KIF15: variants seen among roughly 807,000 people sequenced by gnomAD.
KIF15 encodes kinesin family member 15, also known as kinesin-like protein KIF15.
KIF15 carries 140 observed loss-of-function variants against 190.6 expected under a neutral mutation model. The ratio of observed to expected loss-of-function variants is 0.73; its 90% confidence interval spans 0.64 to 0.84. The LOEUF (loss-of-function observed/expected upper bound fraction) is 0.84, where lower values mean the gene tolerates loss of function less well. Among genes scored for constraint, KIF15 ranks in the 40% least tolerant of loss-of-function variants. KIF15 has a pLI of 0.00. For missense variants in KIF15, 1,372 were observed against 1,584.4 expected (o/e 0.87, Z 2.28); for synonymous variants, 528 against 551.3 (o/e 0.96, Z 0.59).
At chr3:44,773,136 T>TTA (rs1553643331) in intron 1 of KIF15, among the ~76,000 whole-genome samples, 1 of 142,726 alleles carries the variant, frequency 7.0e-6, no homozygotes, top group East Asian at 2.0e-4. Context: ...TAAAACATCT[T>TTA]AAAAAAAAAA....
At chr3:44,855,537 G>A (rs1198244403), downstream of KIF15, among the ~76,000 whole-genome samples, 1 of 152,114 alleles carries the variant, frequency 6.6e-6, no homozygotes, top group Non-Finnish European at 1.5e-5. Flanking sequence ...ATGAAGTGTT[G>A]GAGTGGCGAA....
intron 6 of KIF15, chr3:44,864,287 T>C: frequency 6.2e-7 from 1 of 1,614,230 alleles, no homozygotes; most frequent in East Asian, 2.2e-5. Flanking sequence ...CCTCAGTTTC[T>C]CCATGTCTTC....
chr3:44,848,202 A>G, intron 31 of KIF15, 145 bp downstream of exon 31: 1 of 631,340 alleles, frequency 1.6e-6, no homozygotes. Flanking sequence ...GATATTTACC[A>G]TTAGTATTTA....
chr3:44,814,812 C>G, intron 19 of KIF15, 99 bp from the exon 20 acceptor site: 1 of 893,410 alleles, frequency 1.1e-6, no homozygotes, highest in Non-Finnish European at 1.6e-6. Flanking sequence ...TTAAAATAGT[C>G]TCTTCGACTT....
rs758098161 is a variant in KIF15, at chr3:44,784,797, C to T, written c.362-48C>T. The T allele has an allele frequency of 5.0e-6, 5 of 1,003,098 alleles. No homozygotes were observed. The African/African-American group carries it at 8.4e-5, about 17-fold the overall frequency. The allele number at this position is 1,003,098 out of a possible 1,614,324, so 62.1% of individuals were successfully genotyped here. ...CTGTGTAAATTGCCATTTTGAAAGACTCTTGGAATAGAATAAAAATCCAGT... is the reference window on the plus strand; with the variant it reads ...CTGTGTAAATTGCCATTTTGAAAGATTCTTGGAATAGAATAAAAATCCAGT... On this transcript the variant is annotated intron_variant, in intron 5 of 34. Transcript: ENST00000326047.
intron 5 of KIF15, among the ~76,000 whole-genome samples, chr3:44,782,853 G>C (rs1706230309): frequency 6.6e-6 from 1 of 152,242 alleles, no homozygotes; most frequent in African/African-American, 2.4e-5. Flanking sequence ...GACCCACTGA[G>C]AGTGGAGTTT....
At chr3:44,775,195 C>T in intron 2 of KIF15, 59 bp from the exon 3 acceptor site, 1 of 1,361,008 alleles carries the variant, frequency 7.3e-7, no homozygotes, top group Non-Finnish European at 1.0e-6. Flanking sequence ...AGACTTGGAT[C>T]CTTTTTCAGT....
rs756124662 is a variant in KIF15, at chr3:44,797,961, A to G, written c.1098+5A>G. 1.9e-6 allele frequency: 3 copies of G among 1,608,064 alleles called. No individual in the cohort carries two copies. Among genetic ancestry groups the G allele is most frequent in the Non-Finnish European group, 2.5e-6 (3 of 1,178,154 alleles). ...GCCAAGCTGATTAAAAACAAGGTAA[A>G]ATACTGGCGTATACTTCATTAAATA... On this transcript the variant is annotated splice_donor_5th_base_variant and intron_variant, in intron 10 of 34. Coordinates refer to ENST00000326047, the MANE Select transcript of KIF15 (RefSeq NM_020242.3).
rs141549250 is a variant in KIF15, at chr3:44,852,437, C to A, written c.4104+98C>A. On this transcript the variant is annotated intron_variant, in intron 34 of 34. Coordinates refer to ENST00000326047, the MANE Select transcript of KIF15 (RefSeq NM_020242.3). ...ACTTAATTATTGAATCAGTTAACTG[C>A]TTACTTCAGGGAGCTTCCTGAATTA... The A allele has an allele frequency of 4.0e-5, 48 of 1,191,674 alleles. No individual in the cohort carries two copies. The African/African-American group carries it at 6.4e-4, about 16-fold the overall frequency. 73.8% of individuals were successfully genotyped at this position (1,191,674 alleles called of 1,614,324 possible). A position where few individuals can be genotyped will look rare whatever the true frequency, so the allele number is the denominator to read the frequency against.
intron 4 of KIF15, among the ~76,000 whole-genome samples, 173 bp from the exon 5 acceptor site, chr3:44,780,712 A>G (rs1470736539): frequency 6.6e-6 from 1 of 152,232 alleles, no homozygotes; most frequent in Non-Finnish European, 1.5e-5. Flanking sequence ...AGCTCTTTGT[A>G]GGGAGATTGG....
At chr3:44,868,389 T>C (rs1259792393) in intron 6 of KIF15, among the ~76,000 whole-genome samples, 1 of 152,212 alleles carries the variant, frequency 6.6e-6, no homozygotes, top group Non-Finnish European at 1.5e-5. Context: ...TGTTTCCCTT[T>C]TCTATTCTAT....
Position 44,862,095 on chromosome 3 carries a change from C to A in KIF15, c.*59+9301C>A, listed in dbSNP as rs1179568835. ...TCGGGGCCCTGGCCGCCGCCTCCGC[C>A]AAGCTGGCCTTCGGCAGCGAGGTCG... On this transcript the variant is annotated intron_variant and NMD_transcript_variant, in intron 6 of 6. Coordinates refer to the KIF15 transcript ENST00000422209. The A allele has an allele frequency of 2.4e-6, 3 of 1,254,654 alleles. No individual in the cohort carries two copies. In the African/African-American group the frequency reaches 4.6e-5, roughly 19 times the overall value. 77.7% of individuals were successfully genotyped at this position (1,254,654 alleles called of 1,614,324 possible).
At chr3:44,775,146 G>A in intron 2 of KIF15, 108 bp from the exon 3 acceptor site, 1 of 858,442 alleles carries the variant, frequency 1.2e-6, no homozygotes, top group South Asian at 1.7e-5. Context: ...CTTGGGCTTT[G>A]TTGGAGAAAC....
At chr3:44,823,032 C>A (rs1697432563) in intron 20 of KIF15, among the ~76,000 whole-genome samples, 1 of 152,204 alleles carries the variant, frequency 6.6e-6, no homozygotes, top group African/African-American at 2.4e-5. Context: ...TTATTCTCGT[C>A]CAGCTTTGTT....
chr3:44,796,418 A>G (rs530988191), intron 8 of KIF15, among the ~76,000 whole-genome samples: 2 of 152,320 alleles, frequency 1.3e-5, no homozygotes, highest in East Asian at 3.9e-4. Context: ...TGCTTTACAT[A>G]TATTAATTCA....
intron 7 of KIF15, among the ~76,000 whole-genome samples, chr3:44,793,558 A>C (rs1706823105): frequency 6.6e-6 from 1 of 152,210 alleles, no homozygotes; most frequent in South Asian, 2.1e-4. Flanking sequence ...AAGGAAAATA[A>C]CTTCAGCTTA....
intron 20 of KIF15, among the ~76,000 whole-genome samples, chr3:44,823,965 T>C (rs1409137599): frequency 6.6e-6 from 1 of 152,212 alleles, no homozygotes; most frequent in East Asian, 1.9e-4. Flanking sequence ...CCCCTTGCGC[T>C]TCCTGGGTGA....
At chr3:44,854,570 A>G (rs928541862), downstream of KIF15, among the ~76,000 whole-genome samples, 1 of 152,210 alleles carries the variant, frequency 6.6e-6, no homozygotes, top group Non-Finnish European at 1.5e-5. Context: ...CAGAGGTAGA[A>G]GAAGGTGGAA....
At chr3:44,784,364 G>A (rs1359331112) in intron 5 of KIF15, among the ~76,000 whole-genome samples, 2 of 151,838 alleles carry the variant, frequency 1.3e-5, no homozygotes, top group African/African-American at 2.4e-5. Context: ...TTTTAGTAAC[G>A]ATGGGATTTC....
Sources: gnomAD v4.1 joint callset for allele counts (sites outside exome capture counted in the v4.1 genomes callset) on GRCh38, gnomAD v4.1.1 for gene constraint, MANE v1.5 for transcripts, NCBI Gene and HGNC (gene_info 2026-07-23, HGNC 2026-07-21) for gene names.